PDE4D: variants seen among roughly 807,000 people sequenced by gnomAD.
PDE4D encodes 3',5'-cyclic-AMP phosphodiesterase 4D.
PDE4D carries 24 observed loss-of-function variants against 87.4 expected under a neutral mutation model. That is an observed-to-expected ratio of 0.27 (90% CI 0.20 to 0.39). The LOEUF is 0.39. Among genes scored for constraint, PDE4D ranks in the 10% least tolerant of loss-of-function variants. The probability of loss-of-function intolerance (pLI) is 1.00; values close to 1 mark genes in which losing one functional copy is unlikely to be tolerated. For synonymous variants in PDE4D, 384 were observed against 383.2 expected (o/e 1.00, Z -0.02); for missense variants, 714 against 1,041.0 (o/e 0.69, Z 4.32).
chr5:59,074,773 G>C (rs1372469663), intron 5 of PDE4D, among the ~76,000 whole-genome samples: 2 of 151,892 alleles, frequency 1.3e-5, no homozygotes, highest in Non-Finnish European at 2.9e-5. Context: ...AATAAAAAGA[G>C]AGTCTAGCCT....
intron 1 of PDE4D, among the ~76,000 whole-genome samples, chr5:59,553,870 C>T (rs1818490249): frequency 6.6e-6 from 1 of 152,140 alleles, no homozygotes; most frequent in East Asian, 1.9e-4. Flanking sequence ...ATTGAACCTT[C>T]CCTCTAGCAG....
chr5:59,469,612 C>T (rs1431198367), intron 1 of PDE4D, among the ~76,000 whole-genome samples: 1 of 151,986 alleles, frequency 6.6e-6, no homozygotes, highest in Non-Finnish European at 1.5e-5. Flanking sequence ...CAGTGCATAC[C>T]CAGCGAAGAA....
intron 1 of PDE4D, among the ~76,000 whole-genome samples, chr5:60,298,157 A>T (rs952007586): frequency 1.3e-5 from 2 of 152,150 alleles, no homozygotes; most frequent in African/African-American, 4.8e-5. Context: ...AAATAAAAAA[A>T]AAAAAGATTA....
chr5:60,205,380 C>T (rs1274078304), intron 1 of PDE4D, among the ~76,000 whole-genome samples: 2 of 152,164 alleles, frequency 1.3e-5, no homozygotes, highest in Non-Finnish European at 2.9e-5. Flanking sequence ...GCAAAACATC[C>T]TTTTGTCTCT....
intron 1 of PDE4D, among the ~76,000 whole-genome samples, chr5:60,438,134 T>C (rs73759053): frequency 0.082 from 12,506 of 152,162 alleles, 827 homozygotes; most frequent in African/African-American, 0.18. Context: ...AGATAATTCA[T>C]AGTGGAGAGA....
chr5:59,303,179 T>C lies in PDE4D; in HGVS notation c.456-87211A>G, dbSNP rs1770613178. 2.0e-5 allele frequency among the ~76,000 whole-genome samples: 3 copies of C among 152,218 alleles called. No individual in the cohort carries two copies. The South Asian group carries it at 6.2e-4, about 31-fold the overall frequency. On this transcript the variant is annotated intron_variant, in intron 1 of 14. Coordinates refer to ENST00000340635, the MANE Select transcript of PDE4D (RefSeq NM_001104631.2). ...TTTTCATATGTTTGCTTGCCATTTG[T>C]ATATCTTCTTTTGTGAATTGCCTAC... is the stretch of plus-strand genomic sequence containing the variant.
intron 1 of PDE4D, among the ~76,000 whole-genome samples, chr5:60,420,134 G>A (rs1485776770): frequency 6.6e-6 from 1 of 152,180 alleles, no homozygotes; most frequent in Non-Finnish European, 1.5e-5. Flanking sequence ...GCTGGAAGAA[G>A]AATAGTACTA....
At chr5:60,452,746 T>C (rs1746189648) in intron 1 of PDE4D, among the ~76,000 whole-genome samples, 1 of 152,134 alleles carries the variant, frequency 6.6e-6, no homozygotes, top group Non-Finnish European at 1.5e-5. Context: ...CGAAAAAGTA[T>C]TCCAGGTGAT....
At chr5:59,096,662 A>G (rs1161936888) in intron 5 of PDE4D, among the ~76,000 whole-genome samples, 1 of 152,208 alleles carries the variant, frequency 6.6e-6, no homozygotes, top group African/African-American at 2.4e-5. Flanking sequence ...CAGAGAATGA[A>G]GCCAAAAATG....
chr5:60,394,258 A>G (rs1052452908), intron 1 of PDE4D, among the ~76,000 whole-genome samples: 1 of 152,222 alleles, frequency 6.6e-6, no homozygotes, highest in Non-Finnish European at 1.5e-5. Flanking sequence ...TTTCCTACAC[A>G]AGGTCACCGT....
intron 3 of PDE4D, among the ~76,000 whole-genome samples, chr5:59,950,985 T>C (rs1004671322): frequency 4.6e-5 from 7 of 152,098 alleles, no homozygotes; most frequent in African/African-American, 1.7e-4. Flanking sequence ...AAATTGTCAA[T>C]ATTATTAGCA....
chr5:59,819,631 T>G (rs1437696664), intron 1 of PDE4D, among the ~76,000 whole-genome samples: 1 of 152,236 alleles, frequency 6.6e-6, no homozygotes, highest in Admixed American at 6.5e-5. Context: ...TATTTGGCAC[T>G]AGGTATGACT....
intron 1 of PDE4D, among the ~76,000 whole-genome samples, chr5:60,439,461 T>C (rs565732187): frequency 1.3e-5 from 2 of 152,232 alleles, no homozygotes; most frequent in African/African-American, 4.8e-5. Flanking sequence ...GGAAGTCATA[T>C]AGGAACAATT....
chr5:59,404,232 T>C (rs1421067040), intron 1 of PDE4D, among the ~76,000 whole-genome samples: 2 of 152,212 alleles, frequency 1.3e-5, no homozygotes, highest in Non-Finnish European at 2.9e-5. Context: ...TTGCTAATAT[T>C]TTCTCCCATT....
chr5:59,995,460 A>G lies in PDE4D; in HGVS notation c.43-6743T>C, dbSNP rs527978262. 2.0e-5 allele frequency among the ~76,000 whole-genome samples: 3 copies of G among 151,942 alleles called. No individual in the cohort carries two copies. The East Asian group carries it at 5.8e-4, about 29-fold the overall frequency. On this transcript the variant is annotated intron_variant, in intron 2 of 16. Transcript: ENST00000502484. The stretch of plus-strand genomic sequence containing the variant: ...CAGCCTCCCAAGTAGCTGGGATTAC[A>G]GGCACCTGCCACCACACCCAGCTAA...
chr5:59,427,384 T>C (rs971877386), intron 1 of PDE4D, among the ~76,000 whole-genome samples: 3 of 151,984 alleles, frequency 2.0e-5, no homozygotes, highest in African/African-American at 4.8e-5. Flanking sequence ...ATCATTTATT[T>C]ATTAAACAAA....
chr5:59,450,775 T>C (rs1159145184), intron 1 of PDE4D, among the ~76,000 whole-genome samples: 1 of 152,160 alleles, frequency 6.6e-6, no homozygotes, highest in Non-Finnish European at 1.5e-5. Flanking sequence ...ATCATTTCCA[T>C]TTTCCCTCCT....
intron 1 of PDE4D, among the ~76,000 whole-genome samples, chr5:60,322,593 TC>T (rs1003663189): frequency 6.6e-6 from 1 of 152,108 alleles, no homozygotes; most frequent in African/African-American, 2.4e-5. Context: ...CTTCCGCAAA[TC>T]CCTTTCTGCT....
intron 2 of PDE4D, among the ~76,000 whole-genome samples, chr5:60,093,098 A>G (rs893964875): frequency 2.0e-5 from 3 of 152,224 alleles, no homozygotes; most frequent in African/African-American, 7.2e-5. Context: ...CAGATTATAA[A>G]GAAGTGAGAA....
Sources: gnomAD v4.1 joint callset for allele counts (sites outside exome capture counted in the v4.1 genomes callset) on GRCh38, gnomAD v4.1.1 for gene constraint, MANE v1.5 for transcripts, NCBI Gene and HGNC (gene_info 2026-07-23, HGNC 2026-07-21) for gene names.